Variants in AIM2 observed in about 807,000 individuals in gnomAD.
AIM2 encodes interferon-inducible protein AIM2.
In AIM2, 30 loss-of-function variants were observed where a neutral mutation model predicts 27.7. The observed-to-expected ratio is 1.08, with a 90% CI of 0.81 to 1.47. AIM2 has a LOEUF of 1.47. Among genes scored for constraint, AIM2 ranks in the 40% most tolerant of loss-of-function variants. The pLI, the probability that AIM2 is intolerant of heterozygous loss-of-function variation, is 0.00. For synonymous variants in AIM2, 141 were observed against 145.3 expected (o/e 0.97, Z 0.21); for missense variants, 358 against 411.3 (o/e 0.87, Z 1.12).
chr1:159,058,888 T>C (rs114966275), downstream of AIM2, among the ~76,000 whole-genome samples: 1,014 of 152,054 alleles, frequency 6.7e-3, 12 homozygotes, highest in African/African-American at 0.023. Context: ...GCTAGTGCAC[T>C]TCCCGCCTCA....
At chr1:159,077,779 T>C (rs770128381), upstream of AIM2, among the ~76,000 whole-genome samples, 1 of 152,210 alleles carries the variant, frequency 6.6e-6, no homozygotes, top group Non-Finnish European at 1.5e-5. Context: ...TTGATTCTAG[T>C]CAGCAATTTA....
At chr1:159,122,324 T>C (rs1423849033) in intron 1 of AIM2, 1 of 152,244 alleles carries the variant, frequency 6.6e-6, no homozygotes, top group Non-Finnish European at 1.5e-5. Context: ...TCTCTGGCCA[T>C]CTATCTTCAA....
At chr1:159,092,645 C>T (rs374593852) in intron 1 of AIM2, among the ~76,000 whole-genome samples, 1 of 152,130 alleles carries the variant, frequency 6.6e-6, no homozygotes, top group African/African-American at 2.4e-5. Flanking sequence ...ATTGTACCTA[C>T]GTTCAGACAG....
upstream of AIM2, chr1:159,081,400 G>C (rs923240102): frequency 1.2e-5 from 4 of 346,038 alleles, no homozygotes; most frequent in African/African-American, 2.2e-5. Context: ...ATTTTCAAAA[G>C]TAGATAACCT....
upstream of AIM2, among the ~76,000 whole-genome samples, chr1:159,144,803 C>T (rs1648173779): frequency 6.6e-6 from 1 of 152,154 alleles, no homozygotes; most frequent in South Asian, 2.1e-4. Flanking sequence ...CAAATTTTCC[C>T]TTTGGTCCAA....
At chr1:159,073,200 GA>G in intron 2 of AIM2, 37 bp downstream of exon 2, 1 of 1,610,118 alleles carries the variant, frequency 6.2e-7, no homozygotes, top group Non-Finnish European at 8.5e-7. Flanking sequence ...AGGCTTGGCA[GA>G]AAAAGGGACG....
intron 1 of AIM2, among the ~76,000 whole-genome samples, chr1:159,120,051 A>G (rs1647490980): frequency 6.6e-6 from 1 of 151,992 alleles, no homozygotes; most frequent in Admixed American, 6.6e-5. Flanking sequence ...GATTTTATAG[A>G]GTTATCTCCC....
chr1:159,111,695 T>C (rs1358477860), intron 1 of AIM2, among the ~76,000 whole-genome samples: 2 of 149,220 alleles, frequency 1.3e-5, no homozygotes, highest in Non-Finnish European at 3.0e-5. Flanking sequence ...ATAAATAAGA[T>C]GGGGCCAAAT....
At chr1:159,116,648 A>G (rs1358956997) in intron 1 of AIM2, among the ~76,000 whole-genome samples, 14 of 152,096 alleles carry the variant, frequency 9.2e-5, no homozygotes, top group Admixed American at 9.2e-4. Context: ...ACACGTGGAC[A>G]CAGGAAGGGG....
chr1:159,055,684 G>A, the AIM2 span, among the ~76,000 whole-genome samples: 2 of 152,162 alleles, frequency 1.3e-5, no homozygotes, highest in South Asian at 4.1e-4. Context: ...AGCTGCATTA[G>A]GCAAACACTG....
intron 1 of AIM2, among the ~76,000 whole-genome samples, chr1:159,092,520 A>C (rs1657071124): frequency 6.6e-6 from 1 of 152,154 alleles, no homozygotes; most frequent in South Asian, 2.1e-4. Context: ...GGTGAAGGGT[A>C]AGGTGGGAGA....
At chr1:159,075,619 G>T (rs1205930084) in intron 1 of AIM2, among the ~76,000 whole-genome samples, 25 of 150,330 alleles carry the variant, frequency 1.7e-4, no homozygotes, top group Middle Eastern at 3.4e-3. Flanking sequence ...TATAGAGAGA[G>T]AGAGAGAGAG....
At chr1:159,118,360 C>T (rs1647439077) in intron 1 of AIM2, among the ~76,000 whole-genome samples, 1 of 152,184 alleles carries the variant, frequency 6.6e-6, no homozygotes, top group African/African-American at 2.4e-5. Context: ...TTGTTTAACA[C>T]ATACCTGTGT....
rs563244594 is a variant in AIM2 at position 159,120,941 on chromosome 1, T to A, written c.-16+19490A>T. 2.1e-4 allele frequency among the ~76,000 whole-genome samples: 32 copies of A among 152,342 alleles called. 1 individual carries two copies. Among genetic ancestry groups the A allele is most frequent in the Non-Finnish European group, 1.5e-5 (1 of 68,030 alleles). ...TACTAGTCCAATAATTTGCTTCTAT[T>A]AGGTCATTTAATTCCTTTGATGAAT... On this transcript the variant is annotated intron_variant, in intron 1 of 2. Transcript: ENST00000368129.
At chr1:159,106,279 C>T (rs1032354772) in intron 1 of AIM2, among the ~76,000 whole-genome samples, 3 of 152,210 alleles carry the variant, frequency 2.0e-5, no homozygotes, top group Non-Finnish European at 2.9e-5. Context: ...TTCCTGGCTC[C>T]CACAGGCTCT....
intron 1 of AIM2, among the ~76,000 whole-genome samples, chr1:159,146,062 C>A (rs542129281): frequency 6.6e-6 from 1 of 151,160 alleles, no homozygotes; most frequent in Non-Finnish European, 1.5e-5. Context: ...AGCAAGATCA[C>A]GCCACTGCAC....
chr1:159,061,743 A>AATATTGGGGC (rs1655845684), downstream of AIM2, among the ~76,000 whole-genome samples: 4 of 151,926 alleles, frequency 2.6e-5, no homozygotes, highest in African/African-American at 9.7e-5. Context: ...ACTAACAAAT[A>AATATTGGGGC]TTAAGCCCCA....
At chr1:159,109,158 A>G (rs148226260) in intron 1 of AIM2, among the ~76,000 whole-genome samples, 1 of 152,316 alleles carries the variant, frequency 6.6e-6, no homozygotes, top group East Asian at 1.9e-4. Context: ...ATAAGGCCAT[A>G]GTCACCAAAA....
chr1:159,055,786 TG>T, the AIM2 span, among the ~76,000 whole-genome samples: 3 of 152,316 alleles, frequency 2.0e-5, no homozygotes, highest in Middle Eastern at 3.4e-3. Flanking sequence ...ATTTGGTACC[TG>T]GTACTTGGCA....
Sources: gnomAD v4.1 joint callset for allele counts (sites outside exome capture counted in the v4.1 genomes callset) on GRCh38, gnomAD v4.1.1 for gene constraint, MANE v1.5 for transcripts, NCBI Gene and HGNC (gene_info 2026-07-23, HGNC 2026-07-21) for gene names.